PHKG1: variants seen among roughly 807,000 people sequenced by gnomAD.
PHKG1 encodes phosphorylase b kinase gamma catalytic chain, skeletal muscle/heart isoform.
PHKG1 carries 48 observed loss-of-function variants against 50.5 expected under a neutral mutation model. The observed-to-expected ratio is 0.95, with a 90% CI of 0.75 to 1.21. The LOEUF (loss-of-function observed/expected upper bound fraction) is 1.21. Ranked by LOEUF, PHKG1 falls within the 50% of genes most tolerant of loss-of-function variation. The probability of loss-of-function intolerance (pLI) is 0.00; values close to 1 mark genes in which losing one functional copy is unlikely to be tolerated. For synonymous variants in PHKG1, 204 were observed against 212.8 expected (o/e 0.96, Z 0.36); for missense variants, 487 against 519.5 (o/e 0.94, Z 0.61).
At chr7:56,087,128 A>G in intron 3 of PHKG1, 104 bp from the exon 4 acceptor site, 1 of 828,576 alleles carries the variant, frequency 1.2e-6, no homozygotes, top group Non-Finnish European at 2.1e-6. Context: ...CTAACTTCAA[A>G]AGCTGACAGG....
chr7:56,081,105 G>C lies in PHKG1; in HGVS notation c.1113C>G (p.Phe371Leu). Residue 371 changes from phenylalanine (F) to leucine (L), a missense_variant, in exon 10 of 10, where the codon TTC becomes TTG. By Grantham distance (22) the Phe-to-Leu change is conservative. Transcript: ENST00000297373. The surrounding 1 kb of genome is among the most constrained non-coding windows in gnomAD (Gnocchi z 4.6). Reference protein sequence around the residue: ...KGQQQNRAALFENTPKAVLLS... With the variant: ...KGQQQNRAALLENTPKAVLLS... ...GGAGCACGGCCTTGGGTGTGTTCTC[G>C]AAAAGGGCTGCCCGGTTCTGCTGCT... 2.5e-6 allele frequency: 4 copies of C among 1,613,488 alleles called. No individual in the cohort carries two copies. Among genetic ancestry groups the C allele is most frequent in the Non-Finnish European group, 3.4e-6 (4 of 1,179,890 alleles).
chr7:56,092,103 G>A (rs1310327419), intron 1 of PHKG1, among the ~76,000 whole-genome samples: 3 of 152,244 alleles, frequency 2.0e-5, no homozygotes, highest in Admixed American at 6.5e-5. Flanking sequence ...GGCACAGCCA[G>A]CTTGGCCAAC....
In PHKG1 at chr7:56,082,179, C is replaced by T. The variant is rs369323877; in HGVS notation, c.622G>A (p.Gly208Arg). 6.8e-5 allele frequency: 109 copies of T among 1,613,976 alleles called. 1 individual carries two copies. The African/African-American group carries it at 7.1e-4, about 10-fold the overall frequency. ...CSMNEDHPGY[G>R]KEVDMWSTGV... is the part of the protein sequence containing the mutation. ...CGCACTCACATGTCCACCTCTTTCC[C>T]GTAGCCCGGGTGGTCCTCATTCATG... Residue 208 changes from glycine (G) to arginine (R), a missense_variant, in exon 7 of 10, where the codon GGG becomes AGG. Coordinates refer to ENST00000297373, the MANE Select transcript of PHKG1 (RefSeq NM_006213.5).
chr7:56,081,843 G>A lies in PHKG1; in HGVS notation c.792+50C>T, dbSNP rs572958289. 1.9e-5 allele frequency: 31 copies of A among 1,609,058 alleles called. No individual in the cohort carries two copies. Among genetic ancestry groups the A allele is most frequent in the South Asian group, 9.9e-5 (9 of 90,864 alleles). Reference sequence around the variant, plus strand: ...AGGCAGGGCCTCCCCGGGCAGGGGCGCCTGGCATCGCAGCCCTGAGCCCAG... The same window carrying A: ...AGGCAGGGCCTCCCCGGGCAGGGGCACCTGGCATCGCAGCCCTGAGCCCAG... On this transcript the variant is annotated intron_variant, in intron 8 of 9. Coordinates refer to ENST00000297373, the MANE Select transcript of PHKG1 (RefSeq NM_006213.5). This position sits in a 1 kb window ranked among gnomAD's most constrained non-coding sequence, Gnocchi z 4.6.
In PHKG1 at chr7:56,081,482, C is replaced by G; in HGVS notation, c.918+148G>C. On this transcript the variant is annotated intron_variant, in intron 9 of 9. Transcript: ENST00000297373. The surrounding 1 kb of genome is among the most constrained non-coding windows in gnomAD (Gnocchi z 4.6). The stretch of plus-strand genomic sequence containing the variant: ...AGGGACCGAGCCAGTGGGCTGACAC[C>G]TGCCGTCTTTGAAGCCATCACAGGG... 1.6e-6 allele frequency: 2 copies of G among 1,229,916 alleles called. No individual in the cohort carries two copies. The highest frequency in any genetic ancestry group is 4.7e-5 in the East Asian group (2 of 42,742). The allele number at this position is 1,229,916 out of a possible 1,614,324, so 76.2% of individuals were successfully genotyped here.
chr7:56,082,350 T>C, intron 6 of PHKG1, 97 bp from the exon 7 acceptor site: 1 of 939,958 alleles, frequency 1.1e-6, no homozygotes, highest in African/African-American at 1.6e-5. Flanking sequence ...CCTAGCACTT[T>C]GGGAGGCCGA....
At chr7:56,090,863 C>A (rs77285051) in intron 1 of PHKG1, among the ~76,000 whole-genome samples, 1 of 152,162 alleles carries the variant, frequency 6.6e-6, no homozygotes, top group East Asian at 1.9e-4. Flanking sequence ...TGAGCTACCC[C>A]GCTTTGTGTC....
At chr7:56,092,387 C>T (rs1200430069) in intron 1 of PHKG1, among the ~76,000 whole-genome samples, 2 of 152,186 alleles carry the variant, frequency 1.3e-5, no homozygotes, top group Non-Finnish European at 2.9e-5. Flanking sequence ...ATTCTCTTGC[C>T]TCAGCCTCCT....
chr7:56,082,043 C>A lies in PHKG1; in HGVS notation c.642G>T (p.Trp214Cys). ...HPGYGKEVDM[W>C]STGVIMYTLL... ...GCGTGTACATGATGACGCCAGTGCT[C>A]CACCTGGACATGCGAGGGCCCAGGG... The change falls in exon 8 of 10, where the codon TGG becomes TGT. Residue 214 changes from tryptophan (W) to cysteine (C), a missense_variant. Physicochemically the swap from Trp to Cys is radical, Grantham distance 215. Transcript: ENST00000297373. 6.2e-7 allele frequency: 1 copy of A among 1,612,476 alleles called. No individual in the cohort carries two copies. The highest frequency in any genetic ancestry group is 8.5e-7 in the Non-Finnish European group (1 of 1,178,752).
rs550459148 is a variant in PHKG1 at position 56,081,437 on chromosome 7, C to T, written c.919-138G>A. ...GGGGCCTTCCTAGTGTCCCCCACTT[C>T]CCACTTGGCCAGCATCCTCAGGGAC... On this transcript the variant is annotated intron_variant, in intron 9 of 9. Transcript: ENST00000297373. This position sits in a 1 kb window ranked among gnomAD's most constrained non-coding sequence, Gnocchi z 4.6. The T allele has an allele frequency of 1.5e-6, 2 of 1,291,898 alleles. No homozygotes were observed. The highest frequency in any genetic ancestry group is 2.4e-5 in the Admixed American group (1 of 41,754). The allele number at this position is 1,291,898 out of a possible 1,614,324, so 80.0% of individuals were successfully genotyped here. A position where few individuals can be genotyped will look rare whatever the true frequency, so the allele number is the denominator to read the frequency against.
intron 1 of PHKG1, among the ~76,000 whole-genome samples, chr7:56,089,861 A>G (rs1177796292): frequency 6.6e-6 from 1 of 151,802 alleles, no homozygotes; most frequent in African/African-American, 2.4e-5. Context: ...GGGTCTCCCT[A>G]TGTTGCCCAA....
chr7:56,087,596 A>G lies in PHKG1; in HGVS notation c.262+2T>C, dbSNP rs760828928. ...GCCGTGTGGCTTGGGGCCATCACTC[A>G]CTGATGTTGGGGTGCCCTGAGACCT... On this transcript the variant is annotated splice_donor_variant, in intron 3 of 9. Coordinates refer to ENST00000297373, the MANE Select transcript of PHKG1 (RefSeq NM_006213.5). LOFTEE classifies it high-confidence loss of function. The G allele has an allele frequency of 6.2e-7, 1 of 1,611,738 alleles. No homozygotes were observed. The highest frequency in any genetic ancestry group is 8.5e-7 in the Non-Finnish European group (1 of 1,178,614).
intron 2 of PHKG1, among the ~76,000 whole-genome samples, chr7:56,088,128 G>A (rs373767218): frequency 8.8e-4 from 126 of 143,864 alleles, no homozygotes; most frequent in African/African-American, 3.0e-3. Context: ...TCCACCTCCC[G>A]GGTTCAAGCA....
chr7:56,082,189 G>GT lies in PHKG1; in HGVS notation c.611dup (p.His204GlnfsTer53). ...TGTCCACCTCTTTCCCGTAGCCCGG[G>GT]TGGTCCTCATTCATGGAGCACTCGA... On this transcript the variant is annotated frameshift_variant, in exon 7 of 10. Transcript: ENST00000297373. LOFTEE classifies it high-confidence loss of function. The GT allele has an allele frequency of 6.2e-7, 1 of 1,613,980 alleles. No homozygotes were observed. Among genetic ancestry groups the GT allele is most frequent in the South Asian group, 1.1e-5 (1 of 91,082 alleles).
intron 1 of PHKG1, among the ~76,000 whole-genome samples, chr7:56,089,516 C>T (rs1459846415): frequency 6.6e-6 from 1 of 151,952 alleles, no homozygotes; most frequent in Non-Finnish European, 1.5e-5. Flanking sequence ...TCAAGCGATC[C>T]TCACACCCTA....
At position 56,082,251 on chromosome 7, in the gene PHKG1, C is replaced by A; in HGVS notation, c.550G>T (p.Val184Phe). ...QLEPGERLRE[V>F]CGTPSYLAPE... Reference sequence around the variant, plus strand: ...GCCAGGTAACTGGGGGTCCCGCAGACCTCTGCAGGAACAGTCATCATCAGG... The same window carrying A: ...GCCAGGTAACTGGGGGTCCCGCAGAACTCTGCAGGAACAGTCATCATCAGG... Residue 184 changes from valine to phenylalanine, a missense_variant and splice_region_variant, in exon 7 of 10, where the codon GTC (valine) becomes TTC (phenylalanine). Transcript: ENST00000297373. 1.6e-5 allele frequency: 26 copies of A among 1,612,226 alleles called. No homozygotes were observed. Among genetic ancestry groups the A allele is most frequent in the Non-Finnish European group, 2.2e-5 (26 of 1,179,130 alleles).
At position 56,083,373 on chromosome 7, in the gene PHKG1, AGGT is replaced by A. The variant is rs1021754301; in HGVS notation, c.449_451del (p.Asp150_Leu151delinsVal). 2 of 1,614,160 alleles carry A rather than the reference AGGT, an allele frequency of 1.2e-6. No individual in the cohort carries two copies. Among genetic ancestry groups the A allele is most frequent in the Non-Finnish European group, 1.7e-6 (2 of 1,180,020 alleles). ...ATCCAAGAGAATGTTCTCGGGCTTC[AGGT>A]CCCGGTGCACGATGTTGAGTTTGTG... On this transcript the variant is annotated inframe_deletion, in exon 6 of 10. Coordinates refer to ENST00000297373, the MANE Select transcript of PHKG1 (RefSeq NM_006213.5).
At chr7:56,089,202 G>C (rs1032654787) in intron 1 of PHKG1, among the ~76,000 whole-genome samples, 1 of 152,042 alleles carries the variant, frequency 6.6e-6, no homozygotes, top group Non-Finnish European at 1.5e-5. Context: ...CCAGGATTTC[G>C]AGACCAGCCT....
At chr7:56,089,512 G>A (rs942241031) in intron 1 of PHKG1, among the ~76,000 whole-genome samples, 3 of 151,712 alleles carry the variant, frequency 2.0e-5, no homozygotes, top group East Asian at 1.9e-4. Context: ...GGGCTCAAGC[G>A]ATCCTCACAC....
Sources: gnomAD v4.1 joint callset for allele counts (sites outside exome capture counted in the v4.1 genomes callset) on GRCh38, gnomAD v4.1.1 for gene constraint, Gnocchi (gnomAD v3.1) non-coding constraint, MANE v1.5 for transcripts, NCBI Gene and HGNC (gene_info 2026-07-23, HGNC 2026-07-21) for gene names.